Variants in CASZ1 observed in about 807,000 individuals in gnomAD.
CASZ1 encodes zinc finger protein castor homolog 1.
In CASZ1, 28 loss-of-function variants were observed where a neutral mutation model predicts 135.2. That is an observed-to-expected ratio of 0.21 (90% CI 0.15 to 0.28). The LOEUF (loss-of-function observed/expected upper bound fraction) is 0.28, where lower values mean the gene tolerates loss of function less well. CASZ1 is among the 10% of genes least tolerant of loss of function. The probability of loss-of-function intolerance (pLI) is 1.00; values close to 1 mark genes in which losing one functional copy is unlikely to be tolerated. For missense variants in CASZ1, 2,161 were observed against 2,453.3 expected, an observed-to-expected ratio of 0.88 and a Z score of 2.52; for synonymous variants, 1,068 against 1,073.4, an observed-to-expected ratio of 0.99 and a Z score of 0.10.
intron 15 of CASZ1, 93 bp from the exon 16 acceptor site, chr1:10,648,232 TGTCC>T: frequency 1.1e-6 from 1 of 906,634 alleles, no homozygotes; most frequent in Non-Finnish European, 1.6e-6. Flanking sequence ...TAGACCCCGG[TGTCC>T]GTCCCTACTC....
intron 1 of CASZ1, among the ~76,000 whole-genome samples, chr1:10,764,052 G>A (rs1453224736): frequency 1.3e-5 from 2 of 152,132 alleles, no homozygotes. Context: ...TAGTAGAGAC[G>A]ATGTTTTACC....
At chr1:10,751,415 T>C (rs989388858) in intron 2 of CASZ1, among the ~76,000 whole-genome samples, 3 of 152,130 alleles carry the variant, frequency 2.0e-5, no homozygotes, top group Admixed American at 6.5e-5. Context: ...GGGGATGATC[T>C]TTAGGGTGAG....
intron 4 of CASZ1, among the ~76,000 whole-genome samples, chr1:10,675,726 A>G (rs996260290): frequency 1.3e-4 from 20 of 151,916 alleles, no homozygotes; most frequent in Middle Eastern, 3.4e-3. Flanking sequence ...CCAGGGCACT[A>G]TGGGAACTCT....
At position 10,739,681 on chromosome 1, in the gene CASZ1, C is replaced by G. The variant is rs935475824; in HGVS notation, c.-77+21020G>C. On this transcript the variant is annotated intron_variant, in intron 2 of 20. Transcript: ENST00000377022. This position sits in a 1 kb window ranked among gnomAD's most constrained non-coding sequence, Gnocchi z 4.8. Reference sequence around the variant, plus strand: ...AAGCTATAGTTTGGCCCAAATGTCCCGGCCAGGGTGGCTCTGTGTCAAAGG... The same window carrying G: ...AAGCTATAGTTTGGCCCAAATGTCCGGGCCAGGGTGGCTCTGTGTCAAAGG... Among the ~76,000 whole-genome samples, 1 of 152,126 alleles carries G rather than the reference C, an allele frequency of 6.6e-6. No individual in the cohort carries two copies. The highest frequency in any genetic ancestry group is 2.4e-5 in the African/African-American group (1 of 41,424).
chr1:10,786,443 T>C (rs1246218316), intron 1 of CASZ1, among the ~76,000 whole-genome samples: 1 of 152,126 alleles, frequency 6.6e-6, no homozygotes, highest in African/African-American at 2.4e-5. Flanking sequence ...CACCCTGCAC[T>C]AGGGGCCCAG....
chr1:10,688,637 C>T (rs1019251554), intron 4 of CASZ1, among the ~76,000 whole-genome samples: 2 of 152,172 alleles, frequency 1.3e-5, no homozygotes, highest in Non-Finnish European at 2.9e-5. Context: ...GTCCTCATTT[C>T]CGTCCCTCTT....
rs1265551841 is a variant in CASZ1 at position 10,792,338 on chromosome 1, CCCGG to C, written c.-234+4222_-234+4225del. Among the ~76,000 whole-genome samples the C allele has an allele frequency of 6.9e-4, 28 of 40,656 alleles. 8 individuals are homozygous for C. The highest frequency in any genetic ancestry group is 1.7e-3 in the South Asian group (2 of 1,166). The allele number at this position is 40,656 out of a possible 152,430, so 26.7% of individuals were successfully genotyped here. A position where few individuals can be genotyped will look rare whatever the true frequency, so the allele number is the denominator to read the frequency against. On this transcript the variant is annotated intron_variant, in intron 1 of 20. Coordinates refer to ENST00000377022, the MANE Select transcript of CASZ1 (RefSeq NM_001079843.3). ...TACCCCTCCCCCCCGCCCCCCCCCC[CCCGG>C]CCCCGCACACAAAGTAAATGGAAAT...
At chr1:10,772,404 G>A (rs1462414017) in intron 1 of CASZ1, among the ~76,000 whole-genome samples, 3 of 152,218 alleles carry the variant, frequency 2.0e-5, no homozygotes, top group Non-Finnish European at 4.4e-5. Context: ...AGAGGAAGCA[G>A]ATTGGCCTCT....
At chr1:10,660,985 G>C (rs1480093783) in intron 5 of CASZ1, 1 of 204,608 alleles carries the variant, frequency 4.9e-6, no homozygotes, top group African/African-American at 2.4e-5. Context: ...GGGAGCCCAG[G>C]GGTGGGGAAG....
At position 10,675,578 on chromosome 1, in the gene CASZ1, G is replaced by C. The variant is rs182500795; in HGVS notation, c.17-10007C>G. Among the ~76,000 whole-genome samples the C allele has an allele frequency of 3.8e-3, 580 of 152,234 alleles. 10 individuals are homozygous for C. In the East Asian group the frequency reaches 0.04, roughly 11 times the overall value. On this transcript the variant is annotated intron_variant, in intron 4 of 20. Coordinates refer to ENST00000377022, the MANE Select transcript of CASZ1 (RefSeq NM_001079843.3). ...CGGCCAACTCCGCACGGACCTGGCT[G>C]GGGGAGGTGCCAGGTCCCCCGACAC... is the stretch of plus-strand genomic sequence containing the variant.
intron 8 of CASZ1, 79 bp downstream of exon 8, chr1:10,656,567 G>A (rs1642803476): frequency 8.9e-6 from 10 of 1,121,860 alleles, no homozygotes; most frequent in Middle Eastern, 2.1e-4. Context: ...CCCCACTGCC[G>A]TCCCCGCCTG....
chr1:10,706,173 G>A lies in CASZ1; in HGVS notation c.-76-629C>T, dbSNP rs867387095. Reference sequence around the variant, plus strand: ...TCATCACAGCCCATGTCCAGAGACCGTGCAGGGAGAGGGACGATGGTCAGA... The same window carrying A: ...TCATCACAGCCCATGTCCAGAGACCATGCAGGGAGAGGGACGATGGTCAGA... On this transcript the variant is annotated intron_variant, in intron 2 of 20. Transcript: ENST00000377022. This position sits in a 1 kb window ranked among gnomAD's most constrained non-coding sequence, Gnocchi z 4.3. 1.3e-5 allele frequency among the ~76,000 whole-genome samples: 2 copies of A among 152,236 alleles called. No homozygotes were observed. Among genetic ancestry groups the A allele is most frequent in the African/African-American group, 2.4e-5 (1 of 41,464 alleles).
At chr1:10,650,903 G>A in intron 12 of CASZ1, 38 bp downstream of exon 12, 2 of 1,607,016 alleles carry the variant, frequency 1.2e-6, no homozygotes, top group Non-Finnish European at 1.7e-6. Flanking sequence ...CGAAGGTGTG[G>A]TTCCCGGGGC....
At chr1:10,680,289 G>A (rs1442835545) in intron 4 of CASZ1, among the ~76,000 whole-genome samples, 3 of 137,852 alleles carry the variant, frequency 2.2e-5, no homozygotes, top group African/African-American at 7.8e-5. Context: ...GGGGGATGGT[G>A]GAGGGGAGGG....
rs112574961 is a variant in CASZ1 at position 10,664,589 on chromosome 1, G to A, written c.505+494C>T. On this transcript the variant is annotated intron_variant, in intron 5 of 20. Coordinates refer to ENST00000377022, the MANE Select transcript of CASZ1 (RefSeq NM_001079843.3). ...GAAGAGGAGGCCAAGGGGAGTGGCA[G>A]GAGAACAAAGCTTGTCCTGGGCTCC... is the stretch of plus-strand genomic sequence containing the variant. 8.3e-3 allele frequency among the ~76,000 whole-genome samples: 1,258 copies of A among 152,198 alleles called. 3 individuals carry two copies. Among genetic ancestry groups the A allele is most frequent in the Middle Eastern group, 0.014 (4 of 294 alleles).
Position 10,706,332 on chromosome 1 carries a change from T to TC in CASZ1, c.-76-789dup, listed in dbSNP as rs1297401545. Among the ~76,000 whole-genome samples the TC allele has an allele frequency of 6.6e-6, 1 of 151,034 alleles. No homozygotes were observed. The highest frequency in any genetic ancestry group is 1.5e-5 in the Non-Finnish European group (1 of 67,638). ...GTACGTGGAGAGAAAACACAGGGAG[T>TC]CCCCCCGCCAGCCTGCTGGCCAGGC... On this transcript the variant is annotated intron_variant, in intron 2 of 20. Transcript: ENST00000377022. The surrounding 1 kb of genome is among the most constrained non-coding windows in gnomAD (Gnocchi z 4.3).
Position 10,658,976 on chromosome 1 carries a change from C to T in CASZ1, c.1341-400G>A, listed in dbSNP as rs138720460. 1.0e-2 allele frequency among the ~76,000 whole-genome samples: 1,516 copies of T among 152,204 alleles called. 23 individuals are homozygous for T. The highest frequency in any genetic ancestry group is 0.034 in the African/African-American group (1,417 of 41,530). ...GTATCCTTCCCCAGGCAGCAGGGGC[C>T]GCCCTGATCTGCTCCAAGGCATGCA... On this transcript the variant is annotated intron_variant, in intron 6 of 20. Transcript: ENST00000377022.
chr1:10,766,562 G>A (rs3849280), intron 1 of CASZ1, among the ~76,000 whole-genome samples: 11,141 of 152,186 alleles, frequency 0.073, 965 homozygotes, highest in East Asian at 0.44. Context: ...GCTGAAAGGT[G>A]GGGGAAGGTG....
At chr1:10,689,870 T>C (rs960453119) in intron 4 of CASZ1, among the ~76,000 whole-genome samples, 1 of 152,224 alleles carries the variant, frequency 6.6e-6, no homozygotes, top group African/African-American at 2.4e-5. Flanking sequence ...TCCCTCTAAA[T>C]GTCACTAACC....
Sources: allele counts gnomAD v4.1 joint callset (sites outside exome capture counted in the v4.1 genomes callset), GRCh38; gene constraint gnomAD v4.1.1; non-coding constraint Gnocchi (gnomAD v3.1); transcripts MANE v1.5; gene names NCBI Gene and HGNC (gene_info 2026-07-23, HGNC 2026-07-21).